FNDC3A: variants seen among roughly 807,000 people sequenced by gnomAD.
FNDC3A encodes the protein fibronectin type III domain containing 3A.
Under a neutral mutation model 148.9 loss-of-function variants are expected in FNDC3A, and 32 were observed. The ratio of observed to expected loss-of-function variants is 0.21; its 90% CI spans 0.16 to 0.29. The LOEUF (loss-of-function observed/expected upper bound fraction) is 0.29. Among genes scored for constraint, FNDC3A ranks in the 10% least tolerant of loss-of-function variants. The pLI is 1.00. For synonymous variants in FNDC3A, 472 were observed against 473.6 expected (o/e 1.00, Z 0.04); for missense variants, 1,191 against 1,452.8 (o/e 0.82, Z 2.93).
intron 1 of FNDC3A, among the ~76,000 whole-genome samples, chr13:48,995,570 A>G (rs1952008377): frequency 6.6e-6 from 1 of 152,144 alleles, no homozygotes; most frequent in African/African-American, 2.4e-5. Flanking sequence ...CTCTACCAAT[A>G]TACATTTCTA....
intron 2 of FNDC3A, among the ~76,000 whole-genome samples, chr13:49,020,979 A>G (rs544025657): frequency 1.3e-5 from 2 of 152,330 alleles, no homozygotes; most frequent in Non-Finnish European, 2.9e-5. Flanking sequence ...CGAACCAGAG[A>G]TGTAGAAATT....
chr13:49,181,839 A>G (rs1885319883), intron 14 of FNDC3A, among the ~76,000 whole-genome samples: 1 of 152,200 alleles, frequency 6.6e-6, no homozygotes, highest in African/African-American at 2.4e-5. Context: ...TGTAAAGTGA[A>G]CTACTAATAT....
rs1272889819 is a variant in FNDC3A, at chr13:49,054,704, C to T, written c.100-20585C>T. Among the ~76,000 whole-genome samples, 4 of 152,214 alleles carry T rather than the reference C, an allele frequency of 2.6e-5. No individual in the cohort carries two copies. The East Asian group carries it at 7.7e-4, about 29-fold the overall frequency. ...ACAACATAGCCATGGTCAAGGTGGC[C>T]TTATTCTCCCAGAGCGGCGTCCCCT... On this transcript the variant is annotated intron_variant, in intron 2 of 25. Transcript: ENST00000492622.
chr13:49,068,474 G>T (rs914585699), intron 2 of FNDC3A, among the ~76,000 whole-genome samples: 1 of 152,094 alleles, frequency 6.6e-6, no homozygotes, highest in Non-Finnish European at 1.5e-5. Flanking sequence ...AACCATTGTG[G>T]AATCAACCAT....
chr13:49,167,401 T>C (rs932036941), intron 9 of FNDC3A, 98 bp downstream of exon 9: 1 of 702,530 alleles, frequency 1.4e-6, no homozygotes, highest in African/African-American at 1.9e-5. Context: ...AATTTAAACA[T>C]TAATTTTGGA....
intron 25 of FNDC3A, among the ~76,000 whole-genome samples, chr13:49,203,841 C>A: frequency 6.6e-6 from 1 of 151,904 alleles, no homozygotes; most frequent in East Asian, 1.9e-4. Flanking sequence ...ATGGAGAGAG[C>A]AAAGGGAAGA....
At chr13:49,146,037 A>G in intron 8 of FNDC3A, 102 bp downstream of exon 8, 1 of 796,822 alleles carries the variant, frequency 1.3e-6, no homozygotes. Flanking sequence ...TCACGCTTTT[A>G]TTCTGAATCT....
In FNDC3A at chr13:49,136,612, G is replaced by A; in HGVS notation, c.760+11G>A. 6.2e-7 allele frequency: 1 copy of A among 1,609,808 alleles called. No individual in the cohort carries two copies. Among genetic ancestry groups the A allele is most frequent in the Non-Finnish European group, 8.5e-7 (1 of 1,176,698 alleles). On this transcript the variant is annotated intron_variant, in intron 6 of 25. Transcript: ENST00000492622. The stretch of plus-strand genomic sequence containing the variant: ...ATACAGAAATTGAAGGTAACTGTTT[G>A]AAGTACTGAACTGTTCTCATTGATG...
intron 2 of FNDC3A, among the ~76,000 whole-genome samples, chr13:49,068,402 CAG>C (rs1340154458): frequency 1.3e-5 from 2 of 149,630 alleles, no homozygotes; most frequent in Admixed American, 1.3e-4. Context: ...TAAATAAAAA[CAG>C]TTGTTGGATC....
intron 3 of FNDC3A, among the ~76,000 whole-genome samples, chr13:49,084,163 G>T (rs1283743843): frequency 6.6e-6 from 1 of 152,110 alleles, no homozygotes; most frequent in African/African-American, 2.4e-5. Flanking sequence ...ATCTCATAGG[G>T]GCAGGAACAA....
intron 4 of FNDC3A, among the ~76,000 whole-genome samples, chr13:49,117,977 C>T (rs761372376): frequency 1.1e-4 from 17 of 152,092 alleles, no homozygotes; most frequent in Non-Finnish European, 2.1e-4. Context: ...AAATAGTTGT[C>T]ACATAAATTA....
intron 3 of FNDC3A, among the ~76,000 whole-genome samples, chr13:49,113,240 T>C (rs1880694912): frequency 6.6e-6 from 1 of 151,510 alleles, no homozygotes; most frequent in South Asian, 2.1e-4. Context: ...CTTGCCTTTC[T>C]CCTCTCCTTG....
intron 1 of FNDC3A, among the ~76,000 whole-genome samples, chr13:49,001,196 C>T (rs755553229): frequency 9.2e-5 from 14 of 152,170 alleles, no homozygotes; most frequent in Non-Finnish European, 1.9e-4. Context: ...ATTTCTTACG[C>T]CTGTATTTAC....
intron 1 of FNDC3A, among the ~76,000 whole-genome samples, chr13:48,995,310 C>CTTTTTTTTTTTTTTTT (rs112558764): frequency 7.0e-6 from 1 of 142,724 alleles, no homozygotes; most frequent in Non-Finnish European, 1.5e-5. Context: ...TGAGGACTGC[C>CTTTTTTTTTTTTTTTT]TTTTTTTTTT....
chr13:49,019,151 C>G (rs1593478812), intron 2 of FNDC3A, among the ~76,000 whole-genome samples: 1 of 152,262 alleles, frequency 6.6e-6, no homozygotes, highest in East Asian at 1.9e-4. Flanking sequence ...TTCTGGGCTG[C>G]TTTGTTTACC....
chr13:49,009,479 A>G (rs978105297), intron 2 of FNDC3A, among the ~76,000 whole-genome samples: 2 of 152,234 alleles, frequency 1.3e-5, no homozygotes, highest in Non-Finnish European at 2.9e-5. Context: ...ATAAATACCT[A>G]GGAACATGAT....
intron 8 of FNDC3A, among the ~76,000 whole-genome samples, chr13:49,162,950 C>A (rs955550179): frequency 1.3e-5 from 2 of 152,186 alleles, no homozygotes; most frequent in Non-Finnish European, 2.9e-5. Context: ...GGCTGCAGAA[C>A]AGCAAATATT....
chr13:49,118,850 C>A (rs1881140339), intron 4 of FNDC3A, among the ~76,000 whole-genome samples: 1 of 152,198 alleles, frequency 6.6e-6, no homozygotes, highest in African/African-American at 2.4e-5. Context: ...AGGCTCCAGC[C>A]CCAGTCAGGG....
chr13:49,122,496 C>G (rs561054371), intron 4 of FNDC3A, among the ~76,000 whole-genome samples: 2 of 152,046 alleles, frequency 1.3e-5, no homozygotes, highest in African/African-American at 4.8e-5. Context: ...GAGTTCTGGC[C>G]AGGCAGTCAG....
Sources: gnomAD v4.1 joint callset for allele counts (sites outside exome capture counted in the v4.1 genomes callset) on GRCh38, gnomAD v4.1.1 for gene constraint, MANE v1.5 for transcripts, NCBI Gene and HGNC (gene_info 2026-07-23, HGNC 2026-07-21) for gene names.